EYA2: variants seen among roughly 807,000 people sequenced by gnomAD.
The protein encoded by EYA2 is protein phosphatase EYA2.
In EYA2, 31 loss-of-function variants were observed where a neutral mutation model predicts 69.2. That is an observed-to-expected ratio of 0.45 (90% CI 0.34 to 0.60). EYA2 has a LOEUF of 0.60. Ranked by LOEUF, EYA2 falls within the 20% of genes least tolerant of loss-of-function variation. The pLI is 0.02. For synonymous variants in EYA2, 257 were observed against 279.4 expected (o/e 0.92, Z 0.80); for missense variants, 622 against 701.2 (o/e 0.89, Z 1.28).
At chr20:46,942,661 G>T (rs1328999727) in intron 1 of EYA2, among the ~76,000 whole-genome samples, 1 of 152,140 alleles carries the variant, frequency 6.6e-6, no homozygotes, top group Non-Finnish European at 1.5e-5. Flanking sequence ...TGTGTGACTT[G>T]GGCAAGGCCA....
intron 10 of EYA2, among the ~76,000 whole-genome samples, chr20:47,149,688 CAAAAAAAAAAAAA>C (rs59780173): frequency 9.7e-6 from 1 of 102,704 alleles, no homozygotes; most frequent in Non-Finnish European, 2.0e-5. Context: ...ACTAAAAATA[CAAAAAAAAAAAAA>C]AAAAAAAAAA....
At chr20:47,141,160 GT>G (rs2033586451) in intron 9 of EYA2, among the ~76,000 whole-genome samples, 4 of 152,200 alleles carry the variant, frequency 2.6e-5, no homozygotes. Flanking sequence ...ACCTCACAGA[GT>G]TTGGTGGGGA....
chr20:47,099,884 ATTTTTT>A (rs1210476998), intron 9 of EYA2, among the ~76,000 whole-genome samples: 20 of 151,660 alleles, frequency 1.3e-4, no homozygotes, highest in Non-Finnish European at 2.1e-4. Context: ...GACCATGAAC[ATTTTTT>A]TTTATTTCCC....
At chr20:47,012,491 T>A (rs879881616) in intron 4 of EYA2, among the ~76,000 whole-genome samples, 2 of 152,224 alleles carry the variant, frequency 1.3e-5, no homozygotes, top group Non-Finnish European at 2.9e-5. Context: ...CAAATTAAAA[T>A]TTTTATTTAC....
chr20:47,085,343 T>C (rs1055744454), intron 7 of EYA2, among the ~76,000 whole-genome samples: 5 of 152,046 alleles, frequency 3.3e-5, no homozygotes, highest in African/African-American at 1.2e-4. Context: ...TGAATAGTAC[T>C]CAGCAATAGA....
chr20:47,181,986 T>G (rs1414804383), intron 14 of EYA2, among the ~76,000 whole-genome samples: 2 of 152,140 alleles, frequency 1.3e-5, no homozygotes, highest in Non-Finnish European at 1.5e-5. Context: ...TGTGGTAAAA[T>G]TAAATAATGT....
chr20:47,148,258 A>G (rs2033748706), intron 10 of EYA2, among the ~76,000 whole-genome samples: 1 of 151,994 alleles, frequency 6.6e-6, no homozygotes, highest in African/African-American at 2.4e-5. Context: ...CAGTTTGCTC[A>G]TCTGTTAAAT....
At chr20:46,912,716 C>T (rs915513495) in intron 1 of EYA2, among the ~76,000 whole-genome samples, 6 of 135,336 alleles carry the variant, frequency 4.4e-5, no homozygotes, top group Admixed American at 7.6e-5. Context: ...TTTTTTGAGA[C>T]GGAGTCTCGC....
At chr20:46,938,117 A>C (rs1042377959) in intron 1 of EYA2, among the ~76,000 whole-genome samples, 10 of 152,204 alleles carry the variant, frequency 6.6e-5, no homozygotes, top group African/African-American at 2.4e-4. Flanking sequence ...TCAGCTCCAA[A>C]ATTTGTACTC....
intron 5 of EYA2, among the ~76,000 whole-genome samples, chr20:47,030,771 T>A (rs1332557058): frequency 6.6e-6 from 1 of 152,172 alleles, no homozygotes; most frequent in African/African-American, 2.4e-5. Context: ...GTCTCCTTTT[T>A]TTGAAAGACA....
At chr20:46,911,231 TTGTGTGTGTG>T (rs140564632) in intron 1 of EYA2, among the ~76,000 whole-genome samples, 2 of 148,238 alleles carry the variant, frequency 1.3e-5, no homozygotes, top group Non-Finnish European at 3.0e-5. Context: ...GCTGGATAAT[TTGTGTGTGTG>T]TGTGTGTGTG....
intron 2 of EYA2, among the ~76,000 whole-genome samples, chr20:46,992,290 C>G (rs1206782): frequency 4.9e-4 from 75 of 152,270 alleles, no homozygotes; most frequent in African/African-American, 1.8e-3. Context: ...ATTTTACAGA[C>G]GAGGAAACCA....
At chr20:46,921,006 G>A (rs771736183) in intron 1 of EYA2, among the ~76,000 whole-genome samples, 105 of 152,326 alleles carry the variant, frequency 6.9e-4, no homozygotes, top group Middle Eastern at 6.8e-3. Flanking sequence ...CCTGTTGAGC[G>A]AGGTGTCACC....
At chr20:47,097,448 C>T (rs987208938) in intron 9 of EYA2, among the ~76,000 whole-genome samples, 1 of 152,222 alleles carries the variant, frequency 6.6e-6, no homozygotes, top group Non-Finnish European at 1.5e-5. Flanking sequence ...TCAGCCGTCT[C>T]CCTTCCTAAG....
At chr20:47,022,218 G>A (rs556853263) in intron 5 of EYA2, among the ~76,000 whole-genome samples, 2 of 152,266 alleles carry the variant, frequency 1.3e-5, no homozygotes, top group South Asian at 4.1e-4. Context: ...AGCCCTGGAT[G>A]TCATGATCTT....
chr20:47,122,533 C>A (rs565826377), intron 9 of EYA2, among the ~76,000 whole-genome samples: 1 of 152,054 alleles, frequency 6.6e-6, no homozygotes, highest in East Asian at 1.9e-4. Context: ...CTCCTGACCT[C>A]GTGATCCACC....
intron 3 of EYA2, among the ~76,000 whole-genome samples, chr20:47,004,131 T>G (rs1982545837): frequency 6.6e-6 from 1 of 152,222 alleles, no homozygotes; most frequent in African/African-American, 2.4e-5. Context: ...GGTCTTTGGT[T>G]GCAAGCAACA....
chr20:47,130,196 TA>T (rs71809692), intron 9 of EYA2, among the ~76,000 whole-genome samples: 3,148 of 148,438 alleles, frequency 0.021, 110 homozygotes, highest in East Asian at 0.089. Context: ...CTCACTACTT[TA>T]AAAAAAATGA....
chr20:47,063,373 TTGTGTGTGTGTGCGTGTGCGTGTG>T (rs2030971587), intron 5 of EYA2, among the ~76,000 whole-genome samples: 1 of 137,016 alleles, frequency 7.3e-6, no homozygotes, highest in Non-Finnish European at 1.5e-5. Context: ...TTGGGTTTAT[TTGTGTGTGTGTGCGTGTGCGTGTG>T]TGTGTGTGTG....
Sources: allele counts gnomAD v4.1 joint callset (sites outside exome capture counted in the v4.1 genomes callset), GRCh38; gene constraint gnomAD v4.1.1; transcripts MANE v1.5; gene names NCBI Gene and HGNC (gene_info 2026-07-23, HGNC 2026-07-21).